The following VPS13B variants were observed in gnomAD, a reference collection of about 807,000 sequenced individuals.
VPS13B encodes the protein vacuolar protein sorting 13 homolog B.
Under a neutral mutation model 426.4 loss-of-function variants are expected in VPS13B, and 285 were observed. The ratio of observed to expected loss-of-function variants is 0.67; its 90% CI spans 0.61 to 0.74. VPS13B has a LOEUF of 0.74. VPS13B is among the 30% of genes least tolerant of loss of function. The pLI is 0.00. For synonymous variants in VPS13B, 1,676 were observed against 1,676.4 expected (o/e 1.00, Z 0.01); for missense variants, 4,537 against 4,782.6 (o/e 0.95, Z 1.51).
At chr8:99,364,330 GT>G (rs1205089931) in intron 19 of VPS13B, among the ~76,000 whole-genome samples, 1 of 151,952 alleles carries the variant, frequency 6.6e-6, no homozygotes, top group East Asian at 1.9e-4. Context: ...CATGATGAAT[GT>G]TTTTTTAATT....
chr8:99,179,198 TTTC>T (rs1197811049), intron 16 of VPS13B, among the ~76,000 whole-genome samples: 3 of 152,156 alleles, frequency 2.0e-5, no homozygotes, highest in African/African-American at 4.8e-5. Context: ...GGTCTTTGTG[TTTC>T]CTTTCTTGAT....
intron 21 of VPS13B, among the ~76,000 whole-genome samples, chr8:99,402,755 A>T (rs1815107642): frequency 6.6e-6 from 1 of 152,256 alleles, no homozygotes; most frequent in Non-Finnish European, 1.5e-5. Flanking sequence ...ACTGAGAGTC[A>T]GGTGAGCTAG....
chr8:99,549,854 G>A (rs917355633), intron 30 of VPS13B, among the ~76,000 whole-genome samples: 18 of 152,080 alleles, frequency 1.2e-4, no homozygotes, highest in African/African-American at 4.1e-4. Flanking sequence ...TCCTCTGCTG[G>A]AGATTCTTTC....
At chr8:99,718,792 G>A (rs1019632255) in intron 37 of VPS13B, among the ~76,000 whole-genome samples, 1 of 150,966 alleles carries the variant, frequency 6.6e-6, no homozygotes, top group African/African-American at 2.4e-5. Context: ...TCAGCCTCCC[G>A]AGTACCCAGG....
chr8:99,395,291 A>G (rs561231611), intron 21 of VPS13B, among the ~76,000 whole-genome samples: 22 of 152,320 alleles, frequency 1.4e-4, no homozygotes, highest in East Asian at 5.8e-4. Context: ...GGGAGCAACA[A>G]TAGAGTTCTT....
intron 30 of VPS13B, among the ~76,000 whole-genome samples, chr8:99,533,923 C>A (rs1351719121): frequency 2.0e-5 from 3 of 152,176 alleles, no homozygotes; most frequent in Non-Finnish European, 4.4e-5. Flanking sequence ...CTCCTCCCAA[C>A]TTTTAATTTC....
chr8:99,386,308 C>T (rs188020851), intron 20 of VPS13B, among the ~76,000 whole-genome samples: 1 of 152,216 alleles, frequency 6.6e-6, no homozygotes, highest in East Asian at 1.9e-4. Context: ...TTAAAATGAA[C>T]ATACAATCAC....
chr8:99,810,989 C>T (rs1051034746), intron 44 of VPS13B, among the ~76,000 whole-genome samples: 3 of 152,170 alleles, frequency 2.0e-5, no homozygotes, highest in Admixed American at 6.6e-5. Context: ...CTCCCATCTG[C>T]CCTCAGAACA....
chr8:99,136,182 A>G (rs984271973), intron 11 of VPS13B, among the ~76,000 whole-genome samples: 5 of 152,076 alleles, frequency 3.3e-5, no homozygotes, highest in African/African-American at 1.2e-4. Flanking sequence ...ATGCAATAGG[A>G]TAATTTACAT....
At chr8:99,352,629 GC>G (rs1388199202) in intron 19 of VPS13B, among the ~76,000 whole-genome samples, 1 of 152,076 alleles carries the variant, frequency 6.6e-6, no homozygotes, top group Non-Finnish European at 1.5e-5. Context: ...TTGAAGACCA[GC>G]CTGGCCAACA....
rs1395924490 is a variant in VPS13B at position 99,742,799 on chromosome 8, TA to T, written c.7050+21755del. Among the ~76,000 whole-genome samples, 4 of 152,232 alleles carry T rather than the reference TA, an allele frequency of 2.6e-5. No homozygotes were observed. In the East Asian group the frequency reaches 7.7e-4, roughly 29 times the overall value. On this transcript the variant is annotated intron_variant, in intron 39 of 61. Transcript: ENST00000357162. ...AACCCTTCACGCCAAAAACTCTCAA[TA>T]AATTAGGTATTGATGGGACGTATCT...
chr8:99,066,376 A>T (rs1844512389), intron 3 of VPS13B, among the ~76,000 whole-genome samples: 1 of 152,216 alleles, frequency 6.6e-6, no homozygotes, highest in Non-Finnish European at 1.5e-5. Flanking sequence ...ATCTTTGACA[A>T]ACCTGAGAAA....
chr8:99,030,625 TA>T (rs1463946914), intron 2 of VPS13B, among the ~76,000 whole-genome samples: 1 of 152,130 alleles, frequency 6.6e-6, no homozygotes, highest in Non-Finnish European at 1.5e-5. Flanking sequence ...TACTATAAAA[TA>T]AAAATGCGTA....
intron 19 of VPS13B, among the ~76,000 whole-genome samples, chr8:99,317,567 TTA>T (rs2133118463): frequency 6.6e-6 from 1 of 152,304 alleles, no homozygotes; most frequent in South Asian, 2.1e-4. Flanking sequence ...TTTTAATAAA[TTA>T]TATGTTAACT....
intron 25 of VPS13B, among the ~76,000 whole-genome samples, chr8:99,487,580 T>C (rs1820381861): frequency 6.6e-6 from 1 of 152,172 alleles, no homozygotes; most frequent in Admixed American, 6.5e-5. Context: ...ACAGAATCTC[T>C]ATCCCCATCG....
intron 17 of VPS13B, among the ~76,000 whole-genome samples, chr8:99,210,609 A>G (rs1815028817): frequency 6.6e-6 from 1 of 152,080 alleles, no homozygotes; most frequent in East Asian, 1.9e-4. Flanking sequence ...AAAAATATAT[A>G]TATATATATT....
chr8:99,229,517 T>C (rs1228221935), intron 17 of VPS13B, among the ~76,000 whole-genome samples: 5 of 152,110 alleles, frequency 3.3e-5, no homozygotes, highest in African/African-American at 1.2e-4. Context: ...GTGTTAACAG[T>C]TTGACACTAT....
Position 99,853,882 on chromosome 8 carries a change from G to C in VPS13B, c.10493G>C (p.Ser3498Thr). ...KSILCDINEF[S>T]FELKPARLYV... ...ATCCTCTGTGATATTAATGAGTTCA[G>C]CTTTGAATTAAAACCTGCTCGGTTA... Residue 3498 changes from serine (S) to threonine (T), a missense_variant, in exon 56 of 62, where the codon AGC becomes ACC. Ser to Thr is a moderately conservative substitution (Grantham distance 58, BLOSUM62 1). Around this residue, in one of 2 missense-constraint regions of VPS13B, gnomAD observed 4,311 missense variants for 4,474.3 expected, o/e 0.96. Transcript: ENST00000357162. 1 of 1,614,214 alleles carries C rather than the reference G, an allele frequency of 6.2e-7. No individual in the cohort carries two copies.
intron 35 of VPS13B, among the ~76,000 whole-genome samples, chr8:99,663,830 G>T (rs535826665): frequency 6.6e-6 from 1 of 152,086 alleles, no homozygotes; most frequent in Non-Finnish European, 1.5e-5. Flanking sequence ...TTATCTTGTA[G>T]TTTACATTTG....
Sources: allele counts gnomAD v4.1 joint callset (sites outside exome capture counted in the v4.1 genomes callset), GRCh38; gene constraint gnomAD v4.1.1; regional missense constraint gnomAD v4.1.1; transcripts MANE v1.5; gene names NCBI Gene and HGNC (gene_info 2026-07-23, HGNC 2026-07-21).